Variants in UBE2E2 observed in about 807,000 individuals in gnomAD.
The protein encoded by UBE2E2 is ubiquitin-conjugating enzyme E2 E2.
A neutral mutation model predicts 24.7 loss-of-function variants in UBE2E2; 6 were observed. The observed-to-expected ratio is 0.24, with a 90% CI of 0.13 to 0.48. The LOEUF is 0.48. UBE2E2 is among the 20% of genes least tolerant of loss of function. The pLI, the probability that UBE2E2 is intolerant of heterozygous loss-of-function variation, is 0.99. For missense variants in UBE2E2, 169 were observed against 245.0 expected (o/e 0.69, Z 2.07); for synonymous variants, 104 against 83.6 (o/e 1.24, Z -1.33).
chr3:23,584,726 G>GTTTTTTTTT (rs1158915900), intron 5 of UBE2E2, among the ~76,000 whole-genome samples: 60 of 113,486 alleles, frequency 5.3e-4, no homozygotes, highest in African/African-American at 6.2e-4. Context: ...GCTGTTTTTT[G>GTTTTTTTTT]TTTTTTTTTT....
At chr3:23,217,591 A>G (rs1008800894) in intron 3 of UBE2E2, among the ~76,000 whole-genome samples, 2 of 152,018 alleles carry the variant, frequency 1.3e-5, no homozygotes, top group African/African-American at 4.8e-5. Context: ...ACACTATGAC[A>G]TTTTAGTGGA....
At chr3:23,438,523 G>A (rs1045108278) in intron 3 of UBE2E2, among the ~76,000 whole-genome samples, 10 of 152,200 alleles carry the variant, frequency 6.6e-5, no homozygotes, top group African/African-American at 2.2e-4. Flanking sequence ...TTATATACTA[G>A]ACATTTTCAG....
intron 4 of UBE2E2, among the ~76,000 whole-genome samples, chr3:23,503,987 A>C (rs1694370025): frequency 6.7e-6 from 1 of 149,252 alleles, no homozygotes; most frequent in Non-Finnish European, 1.5e-5. Flanking sequence ...ATTAAAAAAC[A>C]GTTGCAGATA....
At chr3:23,326,491 A>G (rs138343286) in intron 3 of UBE2E2, among the ~76,000 whole-genome samples, 7 of 152,274 alleles carry the variant, frequency 4.6e-5, no homozygotes, top group Non-Finnish European at 8.8e-5. Context: ...AGCTGCTGAG[A>G]TTTTTATGTT....
rs529901281 is a variant in UBE2E2, at chr3:23,537,087, TTAAGG to T, written c.508+4390_508+4394del. Among the ~76,000 whole-genome samples, 13 of 152,328 alleles carry T rather than the reference TTAAGG, an allele frequency of 8.5e-5. No homozygotes were observed. The South Asian group carries it at 2.7e-3, about 32-fold the overall frequency. On this transcript the variant is annotated intron_variant, in intron 5 of 5. Transcript: ENST00000396703. ...CCTATCAGCCACATTAAGTGAGGAC[TTAAGG>T]TAATCTGTAAGTGGTACGTGATTTG...
intron 3 of UBE2E2, among the ~76,000 whole-genome samples, chr3:23,444,494 A>G (rs775021068): frequency 1.5e-4 from 23 of 152,222 alleles, no homozygotes; most frequent in Admixed American, 6.5e-4. Flanking sequence ...CTTAGTAGAG[A>G]TGAAAGTAGG....
chr3:23,573,432 A>G (rs142312300), intron 5 of UBE2E2, among the ~76,000 whole-genome samples: 2 of 152,302 alleles, frequency 1.3e-5, no homozygotes, highest in East Asian at 3.9e-4. Flanking sequence ...CAAATCATAT[A>G]CTGGGAGAAA....
intron 3 of UBE2E2, among the ~76,000 whole-genome samples, chr3:23,270,149 CTCCTTT>C (rs1464334300): frequency 3.5e-5 from 4 of 113,406 alleles, no homozygotes; most frequent in Non-Finnish European, 5.1e-5. Context: ...CACCCCCCTC[CTCCTTT>C]TTTTTTTTTT....
Position 23,256,916 on chromosome 3 carries a change from C to G in UBE2E2, c.227+39604C>G, listed in dbSNP as rs565167840. 1.2e-4 allele frequency among the ~76,000 whole-genome samples: 18 copies of G among 152,292 alleles called. 1 individual carries two copies. In the South Asian group the frequency reaches 3.3e-3, roughly 28 times the overall value. On this transcript the variant is annotated intron_variant, in intron 3 of 5. Coordinates refer to ENST00000396703, the MANE Select transcript of UBE2E2 (RefSeq NM_152653.4). The stretch of plus-strand genomic sequence containing the variant: ...GAGTAATATGCAGTCTGTTTCAGTT[C>G]TTCCTAACCTGCCTGCATGTTTTGA...
At chr3:23,311,460 A>G (rs1430816893) in intron 3 of UBE2E2, among the ~76,000 whole-genome samples, 4 of 152,150 alleles carry the variant, frequency 2.6e-5, no homozygotes, top group Non-Finnish European at 5.9e-5. Flanking sequence ...GTCTTCCACA[A>G]TGGTTGAATT....
chr3:23,532,473 A>AT, intron 4 of UBE2E2, 81 bp from the exon 5 acceptor site: 2 of 1,313,248 alleles, frequency 1.5e-6, no homozygotes, highest in Middle Eastern at 2.8e-4. Context: ...AAAATAGGCA[A>AT]TTTTATTAGA....
chr3:23,234,482 G>A (rs1238212387), intron 3 of UBE2E2, among the ~76,000 whole-genome samples: 1 of 152,186 alleles, frequency 6.6e-6, no homozygotes, highest in Non-Finnish European at 1.5e-5. Context: ...GAATCCAGCT[G>A]GAGAGTTTTG....
intron 3 of UBE2E2, among the ~76,000 whole-genome samples, chr3:23,480,094 T>C (rs1699225180): frequency 6.6e-6 from 1 of 152,146 alleles, no homozygotes; most frequent in Non-Finnish European, 1.5e-5. Context: ...ATACCATCCA[T>C]GGCACCCAGG....
chr3:23,267,252 A>C (rs4318497), intron 3 of UBE2E2, among the ~76,000 whole-genome samples: 119,593 of 148,116 alleles, frequency 0.81, 48,420 homozygotes, highest in African/African-American at 0.89. Flanking sequence ...TTCAAAAAAT[A>C]AATGAATCCA....
intron 3 of UBE2E2, among the ~76,000 whole-genome samples, chr3:23,363,673 A>T (rs1696184434): frequency 6.6e-6 from 1 of 152,198 alleles, no homozygotes; most frequent in Admixed American, 6.5e-5. Flanking sequence ...CTATGAAGAG[A>T]CTTGGATAGC....
intron 3 of UBE2E2, among the ~76,000 whole-genome samples, chr3:23,350,096 A>C (rs1695693726): frequency 6.6e-6 from 1 of 152,220 alleles, no homozygotes; most frequent in Non-Finnish European, 1.5e-5. Context: ...GCTGTTCTGC[A>C]GCCACCACTG....
At chr3:23,363,300 A>G (rs1034239287) in intron 3 of UBE2E2, among the ~76,000 whole-genome samples, 2 of 152,234 alleles carry the variant, frequency 1.3e-5, no homozygotes, top group South Asian at 2.1e-4. Context: ...GCATATACCA[A>G]TATTAACCTT....
chr3:23,269,916 G>T (rs954239428), intron 3 of UBE2E2, among the ~76,000 whole-genome samples: 2 of 152,196 alleles, frequency 1.3e-5, no homozygotes, highest in Non-Finnish European at 2.9e-5. Context: ...AGCCCCAGGG[G>T]CTAAGAATCA....
In UBE2E2 at chr3:23,460,414, G is replaced by A. The variant is rs144770759; in HGVS notation, c.228-39194G>A. 6.2e-3 allele frequency among the ~76,000 whole-genome samples: 937 copies of A among 152,196 alleles called. 13 individuals are homozygous for A. The highest frequency in any genetic ancestry group is 0.021 in the African/African-American group (868 of 41,532). Reference sequence around the variant, plus strand: ...ATTCTGGCTCTACAACCTCTGTTCTGTTTCCTCATATGTAAAATGGAAATG... The same window carrying A: ...ATTCTGGCTCTACAACCTCTGTTCTATTTCCTCATATGTAAAATGGAAATG... On this transcript the variant is annotated intron_variant, in intron 3 of 5. Coordinates refer to ENST00000396703, the MANE Select transcript of UBE2E2 (RefSeq NM_152653.4).
Sources: gnomAD v4.1 joint callset for allele counts (sites outside exome capture counted in the v4.1 genomes callset) on GRCh38, gnomAD v4.1.1 for gene constraint, MANE v1.5 for transcripts, NCBI Gene and HGNC (gene_info 2026-07-23, HGNC 2026-07-21) for gene names.